Variants in SUCLG2 observed in about 807,000 individuals in gnomAD.
SUCLG2 encodes the protein succinate--CoA ligase [GDP-forming] subunit beta, mitochondrial.
In SUCLG2, 42 loss-of-function variants were observed where a neutral mutation model predicts 47.9. The ratio of observed to expected loss-of-function variants is 0.88; its 90% CI spans 0.69 to 1.14. SUCLG2 has a LOEUF of 1.14. Ranked by LOEUF, SUCLG2 falls within the 50% of genes most tolerant of loss-of-function variation. The pLI is 0.00. For synonymous variants in SUCLG2, 195 were observed against 197.3 expected, an observed-to-expected ratio of 0.99 and a Z score of 0.10; for missense variants, 571 against 525.9, an observed-to-expected ratio of 1.09 and a Z score of -0.84.
intron 2 of SUCLG2, among the ~76,000 whole-genome samples, chr3:67,604,987 C>T (rs1472102418): frequency 2.6e-5 from 4 of 152,116 alleles, no homozygotes; most frequent in East Asian, 1.9e-4. Flanking sequence ...ATAGTTATTA[C>T]GATGTCTCTG....
chr3:67,522,775 T>C (rs985333737), intron 4 of SUCLG2, among the ~76,000 whole-genome samples: 2 of 150,738 alleles, frequency 1.3e-5, no homozygotes, highest in Non-Finnish European at 2.9e-5. Flanking sequence ...GCCATTCTCC[T>C]GCCTCAGCCT....
chr3:67,381,311 T>A (rs1381875183), intron 10 of SUCLG2, among the ~76,000 whole-genome samples: 1 of 151,940 alleles, frequency 6.6e-6, no homozygotes, highest in Non-Finnish European at 1.5e-5. Flanking sequence ...TGACTGTGAG[T>A]TTCTGCATTC....
chr3:67,398,339 C>T (rs1490385402), intron 10 of SUCLG2, among the ~76,000 whole-genome samples: 1 of 151,010 alleles, frequency 6.6e-6, no homozygotes, highest in East Asian at 1.9e-4. Context: ...AAACAAACAA[C>T]CCCATCAAAA....
At chr3:67,500,412 G>A (rs1393895376) in intron 7 of SUCLG2, among the ~76,000 whole-genome samples, 8 of 152,210 alleles carry the variant, frequency 5.3e-5, no homozygotes, top group Admixed American at 5.2e-4. Flanking sequence ...TGAGCGACAA[G>A]AGAGAATCTT....
intron 1 of SUCLG2, among the ~76,000 whole-genome samples, chr3:67,651,443 C>T (rs986318489): frequency 3.9e-5 from 6 of 152,220 alleles, no homozygotes; most frequent in Non-Finnish European, 7.3e-5. Flanking sequence ...TACCTTTCAT[C>T]GCTCAGGTCT....
intron 9 of SUCLG2, among the ~76,000 whole-genome samples, chr3:67,415,907 T>C (rs533658395): frequency 1.3e-5 from 2 of 152,324 alleles, no homozygotes; most frequent in African/African-American, 2.4e-5. Flanking sequence ...ATGAAGGGTA[T>C]TGGGGCTCCT....
At chr3:67,381,926 C>T (rs982034630) in intron 10 of SUCLG2, among the ~76,000 whole-genome samples, 1 of 152,138 alleles carries the variant, frequency 6.6e-6, no homozygotes, top group African/African-American at 2.4e-5. Flanking sequence ...ATTTCTTCTT[C>T]GCTTTTATTA....
At chr3:67,605,959 T>C (rs1004369941) in intron 2 of SUCLG2, among the ~76,000 whole-genome samples, 2 of 152,082 alleles carry the variant, frequency 1.3e-5, no homozygotes, top group African/African-American at 4.8e-5. Flanking sequence ...TCGGTTGTAA[T>C]CTCAGCACTT....
intron 6 of SUCLG2, among the ~76,000 whole-genome samples, chr3:67,509,328 T>C (rs1164607827): frequency 6.6e-6 from 1 of 152,226 alleles, no homozygotes; most frequent in African/African-American, 2.4e-5. Context: ...ATTATATTCA[T>C]CAATCCAACC....
intron 2 of SUCLG2, among the ~76,000 whole-genome samples, chr3:67,546,723 A>G (rs1241603007): frequency 2.0e-5 from 3 of 152,132 alleles, no homozygotes; most frequent in Non-Finnish European, 2.9e-5. Flanking sequence ...CCACAGAGTA[A>G]GACTCTGTCT....
At chr3:67,606,293 A>G (rs927084995) in intron 2 of SUCLG2, among the ~76,000 whole-genome samples, 3 of 152,204 alleles carry the variant, frequency 2.0e-5, no homozygotes, top group Admixed American at 1.3e-4. Context: ...TCATAAAACC[A>G]TAACTAAGAA....
At chr3:67,529,969 C>G (rs186193203) in intron 2 of SUCLG2, among the ~76,000 whole-genome samples, 40 of 152,310 alleles carry the variant, frequency 2.6e-4, no homozygotes, top group Non-Finnish European at 5.0e-4. Flanking sequence ...CCCTCCCCAA[C>G]CACCAAAACA....
intron 2 of SUCLG2, among the ~76,000 whole-genome samples, chr3:67,608,557 T>C (rs1371701583): frequency 6.6e-6 from 1 of 152,228 alleles, no homozygotes; most frequent in Non-Finnish European, 1.5e-5. Flanking sequence ...TGTTGTACTA[T>C]TCTTCATTTC....
chr3:67,618,094 T>G (rs1367701707), intron 1 of SUCLG2, among the ~76,000 whole-genome samples: 1 of 152,158 alleles, frequency 6.6e-6, no homozygotes, highest in East Asian at 1.9e-4. Flanking sequence ...AAGGAAGAAC[T>G]AGAAAAATCT....
At chr3:67,566,370 T>C (rs903644971) in intron 2 of SUCLG2, among the ~76,000 whole-genome samples, 3 of 152,156 alleles carry the variant, frequency 2.0e-5, no homozygotes, top group African/African-American at 7.2e-5. Flanking sequence ...TTTTAAAATA[T>C]GGAAAAAATC....
At chr3:67,441,199 G>A (rs1703754421) in intron 9 of SUCLG2, among the ~76,000 whole-genome samples, 1 of 152,042 alleles carries the variant, frequency 6.6e-6, no homozygotes, top group African/African-American at 2.4e-5. Flanking sequence ...ACACAGGGAG[G>A]GGAACATCAC....
intron 10 of SUCLG2, among the ~76,000 whole-genome samples, chr3:67,380,589 C>G (rs1702136101): frequency 6.6e-6 from 1 of 152,076 alleles, no homozygotes; most frequent in Non-Finnish European, 1.5e-5. Context: ...TGAAGGGATT[C>G]TCATATTCAA....
At chr3:67,539,406 A>G (rs1482346750) in intron 2 of SUCLG2, among the ~76,000 whole-genome samples, 1 of 152,192 alleles carries the variant, frequency 6.6e-6, no homozygotes, top group African/African-American at 2.4e-5. Context: ...CCAGGGATGA[A>G]GCCTACTTCA....
chr3:67,649,249 CCACT>C (rs1246576646), intron 1 of SUCLG2, among the ~76,000 whole-genome samples: 1 of 152,138 alleles, frequency 6.6e-6, no homozygotes, highest in Admixed American at 6.5e-5. Context: ...ATTGCAGTAC[CCACT>C]ATGTTTTAGT....
Sources: gnomAD v4.1 joint callset for allele counts (sites outside exome capture counted in the v4.1 genomes callset) on GRCh38, gnomAD v4.1.1 for gene constraint, MANE v1.5 for transcripts, NCBI Gene and HGNC (gene_info 2026-07-23, HGNC 2026-07-21) for gene names.